Variants in RPS6KA3 observed in about 807,000 individuals in gnomAD.
RPS6KA3 encodes the protein ribosomal protein S6 kinase A3.
Under a neutral mutation model 67.2 loss-of-function variants are expected in RPS6KA3, and 4 were observed. The observed-to-expected ratio is 0.06, with a 90% confidence interval of 0.03 to 0.14. RPS6KA3 has a LOEUF of 0.14. RPS6KA3 is among the 10% of genes least tolerant of loss of function. The probability of loss-of-function intolerance (pLI) is 1.00; values close to 1 mark genes in which losing one functional copy is unlikely to be tolerated. For missense variants in RPS6KA3, 204 were observed against 559.0 expected, an observed-to-expected ratio of 0.36 and a Z score of 6.40; for synonymous variants, 182 against 183.7, an observed-to-expected ratio of 0.99 and a Z score of 0.07.
chrX:20,169,234 A>G (rs1271231267), intron 16 of RPS6KA3, among the ~76,000 whole-genome samples, 168 bp downstream of exon 16: 1 of 112,519 alleles, frequency 8.9e-6, no homozygotes, highest in Non-Finnish European at 1.9e-5. Flanking sequence ...TCCTGGCCTC[A>G]AGTGATCCTC....
intron 20 of RPS6KA3, among the ~76,000 whole-genome samples, chrX:20,158,838 C>T (rs1012115610): frequency 6.2e-4 from 69 of 111,712 alleles, no homozygotes; most frequent in African/African-American, 1.7e-3. Flanking sequence ...CTCTTACACT[C>T]TGCTCAGATA....
At chrX:20,182,710 T>G (rs573949816) in intron 10 of RPS6KA3, among the ~76,000 whole-genome samples, 1 of 111,721 alleles carries the variant, frequency 9.0e-6, no homozygotes, top group Admixed American at 9.6e-5. Context: ...CATGGGTGCA[T>G]GTCTAGGAGT....
chrX:20,197,832 C>T (rs1357155137), intron 4 of RPS6KA3, among the ~76,000 whole-genome samples: 2 of 111,915 alleles, frequency 1.8e-5, no homozygotes, highest in Admixed American at 1.9e-4. Context: ...CTAATCCCAA[C>T]ATAGAATTGG....
At chrX:20,175,698 T>C (rs936272021) in intron 13 of RPS6KA3, among the ~76,000 whole-genome samples, 4 of 111,314 alleles carry the variant, frequency 3.6e-5, no homozygotes, top group Non-Finnish European at 7.5e-5. Context: ...GAAACTACAC[T>C]TTAAATTTTA....
At chrX:20,187,736 G>GA in intron 9 of RPS6KA3, 92 bp downstream of exon 9, 1 of 761,980 alleles carries the variant, frequency 1.3e-6, no homozygotes, top group Non-Finnish European at 2.1e-6. Context: ...ATAAAATAAA[G>GA]AAAATAAAAA....
Position 20,195,148 on chromosome X carries a change from A to G in RPS6KA3, c.326-3T>C, listed in dbSNP as rs780076243. On this transcript the variant is annotated splice_region_variant and splice_polypyrimidine_tract_variant and intron_variant, in intron 4 of 21. Coordinates refer to ENST00000379565, the MANE Select transcript of RPS6KA3 (RefSeq NM_004586.3). ...TTTTGTCCGAACTCGGTCTCGAACTATAAAAGATTGTATGTATGCTACATT... is the reference window on the plus strand; with the variant it reads ...TTTTGTCCGAACTCGGTCTCGAACTGTAAAAGATTGTATGTATGCTACATT... The G allele has an allele frequency of 3.5e-6, 4 of 1,127,177 alleles. No homozygotes were observed. The highest frequency in any genetic ancestry group is 1.2e-6 in the Non-Finnish European group (1 of 820,197). The allele number at this position is 1,127,177 out of a possible 1,213,427, so 92.9% of individuals were successfully genotyped here. A position where few individuals can be genotyped will look rare whatever the true frequency, so the allele number is the denominator to read the frequency against.
intron 4 of RPS6KA3, among the ~76,000 whole-genome samples, chrX:20,200,557 TTA>T (rs1222388588): frequency 1.8e-5 from 2 of 112,453 alleles, no homozygotes; most frequent in African/African-American, 6.5e-5. Context: ...CTATACAATT[TTA>T]CATACTTGTA....
chrX:20,225,671 T>C (rs2069102178), intron 2 of RPS6KA3, among the ~76,000 whole-genome samples: 1 of 111,656 alleles, frequency 9.0e-6, no homozygotes, highest in Admixed American at 9.5e-5. Flanking sequence ...TGCTAGGGCT[T>C]CTCTTTCCAC....
At chrX:20,163,388 C>A (rs1235339665) in intron 18 of RPS6KA3, among the ~76,000 whole-genome samples, 1 of 110,673 alleles carries the variant, frequency 9.0e-6, no homozygotes, top group African/African-American at 3.3e-5. Context: ...CACACGCACA[C>A]AAAGAACACA....
At chrX:20,261,012 G>C (rs906846404) in intron 1 of RPS6KA3, among the ~76,000 whole-genome samples, 1 of 111,714 alleles carries the variant, frequency 9.0e-6, no homozygotes, top group African/African-American at 3.2e-5. Context: ...TTAATTACTA[G>C]TAACTAATGT....
rs139914803 is a variant in RPS6KA3, at chrX:20,171,075, G to A, written c.1354-1584C>T. Among the ~76,000 whole-genome samples, 310 of 112,039 alleles carry A rather than the reference G, an allele frequency of 2.8e-3. 2 individuals are homozygous for A. The highest frequency in any genetic ancestry group is 9.5e-3 in the African/African-American group (294 of 30,863). On this transcript the variant is annotated intron_variant, in intron 15 of 21. Transcript: ENST00000379565. The stretch of plus-strand genomic sequence containing the variant: ...ATTACAAACGTGAGACACTATGTCT[G>A]GCATGATTTTCTTAATAACACTTTC...
At chrX:20,265,805 T>C (rs1252361862) in intron 1 of RPS6KA3, 2 of 110,167 alleles carry the variant, frequency 1.8e-5, no homozygotes, top group African/African-American at 6.6e-5. Flanking sequence ...GATGGGTGAC[T>C]CAGGGACGGT....
intron 2 of RPS6KA3, chrX:20,218,680 G>A: frequency 4.0e-6 from 2 of 503,872 alleles, no homozygotes; most frequent in Non-Finnish European, 6.7e-6. Context: ...TATCAAAACA[G>A]GTTTTGAATT....
intron 1 of RPS6KA3, among the ~76,000 whole-genome samples, chrX:20,237,500 C>T (rs913693195): frequency 1.8e-5 from 2 of 111,605 alleles, no homozygotes; most frequent in East Asian, 2.8e-4. Context: ...ACTTGGAATT[C>T]GCAGACCAAG....
At position 20,252,465 on chromosome X, in the gene RPS6KA3, T is replaced by C. The variant is rs770429508; in HGVS notation, c.69+14099A>G. ...TCCTCCTGTTGAGGTGGAGTGTGTATGTTCAACTTCCCTCTGGGCCGCACC... is the reference window on the plus strand; with the variant it reads ...TCCTCCTGTTGAGGTGGAGTGTGTACGTTCAACTTCCCTCTGGGCCGCACC... On this transcript the variant is annotated intron_variant, in intron 1 of 21. Transcript: ENST00000379565. Among the ~76,000 whole-genome samples, 3 of 110,129 alleles carry C rather than the reference T, an allele frequency of 2.7e-5. No homozygotes were observed. The South Asian group carries it at 1.2e-3, about 44-fold the overall frequency.
At chrX:20,252,286 TCA>T (rs2069894969) in intron 1 of RPS6KA3, among the ~76,000 whole-genome samples, 1 of 112,504 alleles carries the variant, frequency 8.9e-6, no homozygotes, top group Admixed American at 9.4e-5. Flanking sequence ...ATCTGAATTA[TCA>T]CAGTGATGAT....
intron 20 of RPS6KA3, among the ~76,000 whole-genome samples, chrX:20,161,351 T>C (rs1474339913): frequency 9.0e-6 from 1 of 111,351 alleles, no homozygotes; most frequent in Non-Finnish European, 1.9e-5. Context: ...ATAATTTAGG[T>C]AAAGTGGCAT....
At chrX:20,178,763 A>T (rs761357199) in intron 10 of RPS6KA3, among the ~76,000 whole-genome samples, 13 of 106,445 alleles carry the variant, frequency 1.2e-4, no homozygotes, top group African/African-American at 4.5e-4. Flanking sequence ...TTATGGGTGA[A>T]ATCAGTATTT....
At chrX:20,163,099 G>T in intron 18 of RPS6KA3, 59 bp from the exon 19 acceptor site, 2 of 751,606 alleles carry the variant, frequency 2.7e-6, no homozygotes, top group East Asian at 6.4e-5. Flanking sequence ...TATTTGTAAG[G>T]CTATGAGTTG....
Sources: gnomAD v4.1 joint callset for allele counts (sites outside exome capture counted in the v4.1 genomes callset) on GRCh38, gnomAD v4.1.1 for gene constraint, MANE v1.5 for transcripts, NCBI Gene and HGNC (gene_info 2026-07-23, HGNC 2026-07-21) for gene names.